ANAPC4: variants seen among roughly 807,000 people sequenced by gnomAD.
ANAPC4 encodes the protein anaphase-promoting complex subunit 4.
A neutral mutation model predicts 119.8 loss-of-function variants in ANAPC4; 63 were observed. That is an observed-to-expected ratio of 0.53 (90% CI 0.43 to 0.65). ANAPC4 has a LOEUF of 0.65. ANAPC4 is among the 30% of genes least tolerant of loss of function. The probability of loss-of-function intolerance (pLI) is 0.00; values close to 1 mark genes in which losing one functional copy is unlikely to be tolerated. For synonymous variants in ANAPC4, 283 were observed against 318.6 expected, an observed-to-expected ratio of 0.89 and a Z score of 1.19; for missense variants, 716 against 945.1, an observed-to-expected ratio of 0.76 and a Z score of 3.18.
chr4:25,414,481 T>G lies in ANAPC4; in HGVS notation c.1701T>G (p.Arg567=). The G allele has an allele frequency of 6.2e-7, 1 of 1,600,608 alleles. No homozygotes were observed. The highest frequency in any genetic ancestry group is 8.5e-7 in the Non-Finnish European group (1 of 1,169,956). ...TTTATTTTAGTGAGGATTCTACACG[T>G]AGATTGTTCAAATTTCCTTTTCTGT... is the stretch of plus-strand genomic sequence containing the variant. ...YRDTRSEDST[R]RLFKFPFLWN... Residue 567 remains arginine (R), a synonymous_variant, in exon 24 of 29, where the codon CGT becomes CGG. Coordinates refer to ENST00000315368, the MANE Select transcript of ANAPC4 (RefSeq NM_013367.3).
At chr4:25,388,953 T>A in intron 7 of ANAPC4, 71 bp downstream of exon 7, 1 of 1,259,740 alleles carries the variant, frequency 7.9e-7, no homozygotes, top group Non-Finnish European at 1.1e-6. Flanking sequence ...TCAGAAGCTT[T>A]AAGAGCAAAT....
chr4:25,386,368 A>C (rs1722036106), intron 4 of ANAPC4, among the ~76,000 whole-genome samples: 1 of 151,892 alleles, frequency 6.6e-6, no homozygotes, highest in South Asian at 2.1e-4. Context: ...GTGTGCCACC[A>C]TGCCCAGCTA....
At chr4:25,384,012 A>G (rs562025881) in intron 4 of ANAPC4, among the ~76,000 whole-genome samples, 2 of 152,222 alleles carry the variant, frequency 1.3e-5, no homozygotes, top group Non-Finnish European at 2.9e-5. Flanking sequence ...ATAGCATTTT[A>G]CCCAAGGTAG....
At chr4:25,388,090 C>G (rs1449962316) in intron 4 of ANAPC4, among the ~76,000 whole-genome samples, 2 of 152,206 alleles carry the variant, frequency 1.3e-5, no homozygotes, top group East Asian at 3.8e-4. Context: ...GATCACACCA[C>G]TGCACTCCGG....
intron 18 of ANAPC4, among the ~76,000 whole-genome samples, chr4:25,406,194 G>A (rs1197826038): frequency 1.3e-5 from 2 of 152,190 alleles, no homozygotes; most frequent in African/African-American, 4.8e-5. Flanking sequence ...AGCCTCATGA[G>A]CTAGATGAGA....
In ANAPC4 at chr4:25,405,642, C is replaced by T; in HGVS notation, c.1317+23C>T. On this transcript the variant is annotated intron_variant, in intron 18 of 28. Coordinates refer to ENST00000315368, the MANE Select transcript of ANAPC4 (RefSeq NM_013367.3). This position sits in a 1 kb window ranked among gnomAD's most constrained non-coding sequence, Gnocchi z 4.6. ...AAGGTAGTATGTACTAGTGCATTTT[C>T]ACAGTGTTCACATTGTCCTGCTTGA... 1 of 1,610,550 alleles carries T rather than the reference C, an allele frequency of 6.2e-7. No homozygotes were observed. The highest frequency in any genetic ancestry group is 8.5e-7 in the Non-Finnish European group (1 of 1,177,074).
chr4:25,408,650 A>G (rs1443157926), intron 20 of ANAPC4, among the ~76,000 whole-genome samples: 1 of 151,732 alleles, frequency 6.6e-6, no homozygotes, highest in African/African-American at 2.4e-5. Flanking sequence ...CTACAAGCAC[A>G]CACCACCATG....
chr4:25,388,386 A>G (rs1265383460), intron 4 of ANAPC4, 114 bp from the exon 5 acceptor site: 10 of 701,382 alleles, frequency 1.4e-5, no homozygotes, highest in Non-Finnish European at 2.2e-5. Flanking sequence ...TGTGTCATCT[A>G]TTTACTTGAT....
intron 2 of ANAPC4, among the ~76,000 whole-genome samples, chr4:25,377,780 T>G (rs1162367774): frequency 6.6e-6 from 1 of 152,268 alleles, no homozygotes; most frequent in Non-Finnish European, 1.5e-5. Flanking sequence ...GGTACTTTTA[T>G]GGCTAAAGTA....
chr4:25,389,017 T>C, intron 7 of ANAPC4, 135 bp downstream of exon 7: 5 of 756,736 alleles, frequency 6.6e-6, no homozygotes, highest in Non-Finnish European at 1.1e-5. Flanking sequence ...CTTTTTGAGA[T>C]GGAGTCTCTG....
intron 7 of ANAPC4, among the ~76,000 whole-genome samples, chr4:25,389,822 T>G (rs1437000664): frequency 6.6e-6 from 1 of 152,230 alleles, no homozygotes; most frequent in African/African-American, 2.4e-5. Flanking sequence ...CTGATGGCAC[T>G]TTGTATTAGT....
Position 25,377,319 on chromosome 4 carries a change from T to A in ANAPC4, c.-36T>A. On this transcript the variant is annotated 5_prime_UTR_variant, in exon 1 of 29. Coordinates refer to ENST00000315368, the MANE Select transcript of ANAPC4 (RefSeq NM_013367.3). ...AGGGGAGAGGCCACTGGGGCCGTGT[T>A]AGTCTGCCGGTGGGGACTCTTGCAG... 2 of 1,459,868 alleles carry A rather than the reference T, an allele frequency of 1.4e-6. No homozygotes were observed. 90.4% of individuals were successfully genotyped at this position (1,459,868 alleles called of 1,614,324 possible).
intron 16 of ANAPC4, among the ~76,000 whole-genome samples, chr4:25,401,824 T>A (rs1015037991): frequency 1.3e-5 from 2 of 152,242 alleles, no homozygotes; most frequent in African/African-American, 4.8e-5. Flanking sequence ...GCTGTAGATG[T>A]GTGTGCTCAG....
chr4:25,381,204 T>C (rs1476967409), intron 3 of ANAPC4, among the ~76,000 whole-genome samples: 1 of 152,200 alleles, frequency 6.6e-6, no homozygotes, highest in African/African-American at 2.4e-5. Context: ...AATTTTTCTG[T>C]AGATAAATAT....
In ANAPC4 at chr4:25,413,641, C is replaced by T. The variant is rs777541783; in HGVS notation, c.1526-4C>T. The T allele has an allele frequency of 1.2e-6, 2 of 1,600,072 alleles. No individual in the cohort carries two copies. The highest frequency in any genetic ancestry group is 8.5e-7 in the Non-Finnish European group (1 of 1,174,544). On this transcript the variant is annotated splice_region_variant and splice_polypyrimidine_tract_variant and intron_variant, in intron 21 of 28. Transcript: ENST00000315368. ...TTTTTGTTTCTGTTTTTGTTTGAAACCAGAAAGTCCTTTGCTGTTTCCTTA... is the reference window on the plus strand; with the variant it reads ...TTTTTGTTTCTGTTTTTGTTTGAAATCAGAAAGTCCTTTGCTGTTTCCTTA...
chr4:25,414,366 T>C lies in ANAPC4; in HGVS notation c.1666T>C (p.Leu556=), dbSNP rs747024300. ...GATGAATCAAGCAATCTGTATTCCATTGTATAGAGATACCAGAAGGTAATT... is the reference window on the plus strand; with the variant it reads ...GATGAATCAAGCAATCTGTATTCCACTGTATAGAGATACCAGAAGGTAATT... ...KSMNQAICIP[L]YRDTRSEDST... Residue 556 remains leucine, a synonymous_variant, in exon 23 of 29, where the codon TTG becomes CTG. Coordinates refer to ENST00000315368, the MANE Select transcript of ANAPC4 (RefSeq NM_013367.3). 1.2e-6 allele frequency: 2 copies of C among 1,603,652 alleles called. No homozygotes were observed. Among genetic ancestry groups the C allele is most frequent in the East Asian group, 2.2e-5 (1 of 44,620 alleles).
At chr4:25,396,310 G>C (rs1010684149) in intron 14 of ANAPC4, among the ~76,000 whole-genome samples, 1 of 152,156 alleles carries the variant, frequency 6.6e-6, no homozygotes, top group African/African-American at 2.4e-5. Flanking sequence ...CCAGTATATA[G>C]CACGGTACCT....
chr4:25,399,089 G>A (rs1436434529), intron 16 of ANAPC4, among the ~76,000 whole-genome samples: 4 of 151,804 alleles, frequency 2.6e-5, no homozygotes, highest in South Asian at 2.1e-4. Flanking sequence ...ATATTATACT[G>A]TATTTATCAT....
chr4:25,392,748 C>T (rs1207585772), intron 10 of ANAPC4, among the ~76,000 whole-genome samples: 2 of 152,176 alleles, frequency 1.3e-5, no homozygotes, highest in African/African-American at 2.4e-5. Context: ...CCCAAATTAC[C>T]TCCCAATTCT....
Sources: allele counts gnomAD v4.1 joint callset (sites outside exome capture counted in the v4.1 genomes callset), GRCh38; gene constraint gnomAD v4.1.1; non-coding constraint Gnocchi (gnomAD v3.1); transcripts MANE v1.5; gene names NCBI Gene and HGNC (gene_info 2026-07-23, HGNC 2026-07-21).